Variants in SEMA5A observed in about 807,000 individuals in gnomAD.
SEMA5A encodes the protein semaphorin-5A.
Under a neutral mutation model 135.5 loss-of-function variants are expected in SEMA5A, and 55 were observed. The ratio of observed to expected loss-of-function variants is 0.41; its 90% confidence interval spans 0.33 to 0.51. SEMA5A has a LOEUF of 0.51. Ranked by LOEUF, SEMA5A falls within the 20% of genes least tolerant of loss-of-function variation. The probability of loss-of-function intolerance (pLI) is 0.37; values close to 1 mark genes in which losing one functional copy is unlikely to be tolerated. For missense variants in SEMA5A, 1,290 were observed against 1,419.9 expected (o/e 0.91, Z 1.47); for synonymous variants, 580 against 546.5 (o/e 1.06, Z -0.85).
At position 9,122,751 on chromosome 5, in the gene SEMA5A, G is replaced by A; in HGVS notation, c.1686C>T (p.Ser562=). ...CGCAGGAGCGGGTTCGACAGAGGCA[G>A]GATCCCACGGCGCTGCCATCTGTGT... ...CTHTDGSAVG[S]CLCRTRSCDS... The change falls in exon 14 of 23, where the codon TCC becomes TCT. Residue 562 remains serine, a synonymous_variant. Transcript: ENST00000382496. 1 of 1,613,682 alleles carries A rather than the reference G, an allele frequency of 6.2e-7. No homozygotes were observed. Among genetic ancestry groups the A allele is most frequent in the South Asian group, 1.1e-5 (1 of 91,030 alleles).
intron 2 of SEMA5A, among the ~76,000 whole-genome samples, chr5:9,426,559 A>G (rs971133523): frequency 6.6e-5 from 10 of 152,172 alleles, no homozygotes; most frequent in Non-Finnish European, 1.5e-4. Context: ...TTGGCTGCAA[A>G]CACAGATGAC....
intron 5 of SEMA5A, among the ~76,000 whole-genome samples, chr5:9,296,717 A>G (rs181572200): frequency 2.6e-5 from 4 of 152,216 alleles, no homozygotes; most frequent in Non-Finnish European, 5.9e-5. Flanking sequence ...GGCCGGTCAA[A>G]AAGTAAAAGC....
intron 1 of SEMA5A, among the ~76,000 whole-genome samples, chr5:9,529,650 A>G (rs964878430): frequency 5.3e-5 from 8 of 152,176 alleles, no homozygotes; most frequent in African/African-American, 1.4e-4. Flanking sequence ...TTTCCTTCAC[A>G]TTATAAACTA....
At chr5:9,215,318 C>T (rs1746556009) in intron 8 of SEMA5A, among the ~76,000 whole-genome samples, 1 of 152,152 alleles carries the variant, frequency 6.6e-6, no homozygotes, top group Admixed American at 6.5e-5. Context: ...GTATTTCTTC[C>T]TTTGGACAGT....
intron 20 of SEMA5A, among the ~76,000 whole-genome samples, chr5:9,051,200 C>T (rs79499339): frequency 0.012 from 1,865 of 152,214 alleles, 47 homozygotes; most frequent in African/African-American, 0.042. Flanking sequence ...TTTGCACAGA[C>T]GAAAGAAAAC....
chr5:9,481,292 T>G (rs1759867548), intron 1 of SEMA5A, among the ~76,000 whole-genome samples: 2 of 152,108 alleles, frequency 1.3e-5, no homozygotes, highest in Admixed American at 1.3e-4. Context: ...ATCCAAGAGC[T>G]TTCCTGTTTT....
In SEMA5A at chr5:9,152,206, C is replaced by T. The variant is rs180749379; in HGVS notation, c.1481+2282G>A. Among the ~76,000 whole-genome samples the T allele has an allele frequency of 3.4e-4, 52 of 152,308 alleles. No individual in the cohort carries two copies. The East Asian group carries it at 8.3e-3, about 24-fold the overall frequency. Reference sequence around the variant, plus strand: ...TCACCCTGCAGACAGCACAGGCCTGCGGCTTCCTGTGGGTTATCCCGTGTC... The same window carrying T: ...TCACCCTGCAGACAGCACAGGCCTGTGGCTTCCTGTGGGTTATCCCGTGTC... On this transcript the variant is annotated intron_variant, in intron 12 of 22. Coordinates refer to ENST00000382496, the MANE Select transcript of SEMA5A (RefSeq NM_003966.3).
chr5:9,121,821 T>C (rs763480290), intron 14 of SEMA5A, among the ~76,000 whole-genome samples: 1 of 152,208 alleles, frequency 6.6e-6, no homozygotes, highest in Non-Finnish European at 1.5e-5. Context: ...CTGGCCCACT[T>C]CCTCTTAGGT....
At chr5:9,159,821 G>C (rs1743151160) in intron 11 of SEMA5A, among the ~76,000 whole-genome samples, 1 of 152,190 alleles carries the variant, frequency 6.6e-6, no homozygotes, top group South Asian at 2.1e-4. Context: ...ATTAATGATA[G>C]ACTGGATAAA....
intron 1 of SEMA5A, among the ~76,000 whole-genome samples, chr5:9,487,072 G>A (rs1734773414): frequency 6.6e-6 from 1 of 151,560 alleles, no homozygotes; most frequent in African/African-American, 2.4e-5. Flanking sequence ...ACTATCACAA[G>A]TTATGGGAAG....
intron 15 of SEMA5A, among the ~76,000 whole-genome samples, chr5:9,112,798 C>T (rs1000393379): frequency 2.0e-5 from 3 of 152,166 alleles, no homozygotes; most frequent in African/African-American, 7.2e-5. Context: ...TGGCTTCTAA[C>T]CAACAGAATA....
intron 10 of SEMA5A, among the ~76,000 whole-genome samples, chr5:9,196,151 A>G (rs1339577171): frequency 6.6e-6 from 1 of 152,220 alleles, no homozygotes; most frequent in Non-Finnish European, 1.5e-5. Context: ...GATCTTAAGA[A>G]AGCTGTCAGA....
At chr5:9,149,159 C>T (rs1320254622) in intron 12 of SEMA5A, among the ~76,000 whole-genome samples, 3 of 152,210 alleles carry the variant, frequency 2.0e-5, no homozygotes, top group East Asian at 1.9e-4. Context: ...ATCCATCAGC[C>T]TTGCTTGACC....
intron 2 of SEMA5A, among the ~76,000 whole-genome samples, chr5:9,414,803 A>G (rs1757228269): frequency 6.6e-6 from 1 of 152,214 alleles, no homozygotes; most frequent in Non-Finnish European, 1.5e-5. Context: ...ACCCTGGGAA[A>G]GTGACATATT....
chr5:9,326,988 G>T (rs1752909123), intron 4 of SEMA5A, among the ~76,000 whole-genome samples: 1 of 152,126 alleles, frequency 6.6e-6, no homozygotes, highest in South Asian at 2.1e-4. Flanking sequence ...TTTTCATTAT[G>T]CTGGTCGACT....
chr5:9,172,243 A>C (rs1011548461), intron 11 of SEMA5A, among the ~76,000 whole-genome samples: 82 of 152,342 alleles, frequency 5.4e-4, no homozygotes, highest in African/African-American at 1.7e-3. Context: ...AGATATTAAA[A>C]ATGCCAACAC....
intron 3 of SEMA5A, among the ~76,000 whole-genome samples, chr5:9,368,391 A>G (rs1349192223): frequency 6.6e-6 from 1 of 152,236 alleles, no homozygotes; most frequent in East Asian, 1.9e-4. Flanking sequence ...ACGTAATTTC[A>G]AAAATTGGTT....
chr5:9,162,310 GA>G (rs1743299526), intron 11 of SEMA5A, among the ~76,000 whole-genome samples: 1 of 151,692 alleles, frequency 6.6e-6, no homozygotes, highest in South Asian at 2.1e-4. Context: ...GGGGAAATCA[GA>G]TGTATTTATT....
At chr5:9,054,385 G>T (rs1736774032) in intron 18 of SEMA5A, 128 bp from the exon 19 acceptor site, 1 of 1,190,526 alleles carries the variant, frequency 8.4e-7, no homozygotes, top group Non-Finnish European at 1.2e-6. Context: ...ACTCCAGAAA[G>T]GCTTCAGTGC....
Sources: allele counts gnomAD v4.1 joint callset (sites outside exome capture counted in the v4.1 genomes callset), GRCh38; gene constraint gnomAD v4.1.1; transcripts MANE v1.5; gene names NCBI Gene and HGNC (gene_info 2026-07-23, HGNC 2026-07-21).